EML1: variants seen among roughly 807,000 people sequenced by gnomAD.
EML1 encodes the protein EMAP like 1.
Under a neutral mutation model 110.4 loss-of-function variants are expected in EML1, and 27 were observed. The observed-to-expected ratio is 0.24, with a 90% CI of 0.18 to 0.34. The LOEUF is 0.34. Among genes scored for constraint, EML1 ranks in the 10% least tolerant of loss-of-function variants. The pLI, the probability that EML1 is intolerant of heterozygous loss-of-function variation, is 1.00. For missense variants in EML1, 741 were observed against 1,030.9 expected, an observed-to-expected ratio of 0.72 and a Z score of 3.85; for synonymous variants, 344 against 385.8, an observed-to-expected ratio of 0.89 and a Z score of 1.27.
intron 5 of EML1, chr14:99,892,273 C>A: frequency 1.2e-6 from 1 of 850,920 alleles, no homozygotes. Context: ...TTCATACAGG[C>A]AAACAGATGC....
chr14:99,831,208 T>C (rs917219123), intron 1 of EML1, among the ~76,000 whole-genome samples: 2 of 152,318 alleles, frequency 1.3e-5, no homozygotes, highest in Non-Finnish European at 2.9e-5. Context: ...CCAGTATATT[T>C]TGGTGTGGGA....
In EML1 at chr14:99,907,620, G is replaced by A. The variant is rs376005117; in HGVS notation, c.1009-18G>A. 331 of 1,609,736 alleles carry A rather than the reference G, an allele frequency of 2.1e-4. No individual in the cohort carries two copies. Among genetic ancestry groups the A allele is most frequent in the Non-Finnish European group, 2.7e-4 (312 of 1,177,332 alleles). ...TTATTCTCAGATATAGTCTTCCTGT[G>A]AATAACTTTCTTTTCAGAATGGAGG... On this transcript the variant is annotated intron_variant, in intron 9 of 21. Coordinates refer to ENST00000262233, the MANE Select transcript of EML1 (RefSeq NM_004434.3).
Position 99,889,011 on chromosome 14 carries a change from C to T in EML1, c.519-2188C>T, listed in dbSNP as rs1248621658. ...CATGGTGGATTGGGAGCCGGACAGG[C>T]GGCTGAGAGAGACCCACGGAGGCAG... On this transcript the variant is annotated intron_variant, in intron 4 of 21. Transcript: ENST00000262233. Among the ~76,000 whole-genome samples the T allele has an allele frequency of 4.6e-5, 7 of 152,146 alleles. 1 individual carries two copies. Among genetic ancestry groups the T allele is most frequent in the Admixed American group, 1.3e-4 (2 of 15,280 alleles).
intron 1 of EML1, among the ~76,000 whole-genome samples, chr14:99,832,271 T>C (rs1220413122): frequency 6.6e-6 from 1 of 152,202 alleles, no homozygotes; most frequent in Admixed American, 6.5e-5. Context: ...TCCATTTACT[T>C]GTTGATGGAC....
At chr14:99,813,783 C>A (rs2058120692) in intron 1 of EML1, among the ~76,000 whole-genome samples, 1 of 152,138 alleles carries the variant, frequency 6.6e-6, no homozygotes, top group South Asian at 2.1e-4. Flanking sequence ...CAATCCTAAT[C>A]AATAGCTAGT....
chr14:99,765,626 C>T (rs940066328), intron 1 of EML1, among the ~76,000 whole-genome samples: 2 of 151,864 alleles, frequency 1.3e-5, no homozygotes, highest in African/African-American at 2.4e-5. Context: ...TTTTTTGAGA[C>T]AGAGTCTGGC....
intron 2 of EML1, among the ~76,000 whole-genome samples, chr14:99,859,739 T>C (rs2058968991): frequency 1.3e-5 from 2 of 152,210 alleles, no homozygotes; most frequent in South Asian, 4.1e-4. Context: ...ACTCCAAATC[T>C]GTGTACAGGA....
At chr14:99,917,755 A>G (rs900215550) in intron 15 of EML1, 27 bp from the exon 16 acceptor site, 11 of 1,612,550 alleles carry the variant, frequency 6.8e-6, no homozygotes, top group African/African-American at 5.3e-5. Context: ...CTGTTCATCA[A>G]TTTACACTTC....
At chr14:99,844,121 T>C (rs1305596128) in intron 1 of EML1, among the ~76,000 whole-genome samples, 1 of 152,178 alleles carries the variant, frequency 6.6e-6, no homozygotes, top group East Asian at 1.9e-4. Context: ...TTCATTGAAA[T>C]ATTTCTCTGC....
chr14:99,927,820 T>A (rs1298060912), intron 17 of EML1, among the ~76,000 whole-genome samples: 2 of 19,346 alleles, frequency 1.0e-4, no homozygotes. Context: ...GGGGGGGTGG[T>A]GGTGGTGGTG....
Position 99,936,369 on chromosome 14 carries a change from T to G in EML1, c.2095+35T>G. ...ACCCCGGGGTTGTATGAAGTCTCGA[T>G]CTCAGAAAGCGTTCACTCTGAGATC... On this transcript the variant is annotated intron_variant, in intron 19 of 21. Coordinates refer to ENST00000262233, the MANE Select transcript of EML1 (RefSeq NM_004434.3). This position sits in a 1 kb window ranked among gnomAD's most constrained non-coding sequence, Gnocchi z 5.5. 1 of 1,595,358 alleles carries G rather than the reference T, an allele frequency of 6.3e-7. No homozygotes were observed. Among genetic ancestry groups the G allele is most frequent in the Non-Finnish European group, 8.6e-7 (1 of 1,165,282 alleles).
At chr14:99,898,433 T>C in intron 8 of EML1, 131 bp downstream of exon 8, 1 of 816,210 alleles carries the variant, frequency 1.2e-6, no homozygotes, top group East Asian at 2.9e-5. Context: ...AACCCCTCAC[T>C]AGAATTTTTT....
chr14:99,809,890 T>C (rs2058046150), intron 1 of EML1, among the ~76,000 whole-genome samples: 1 of 152,204 alleles, frequency 6.6e-6, no homozygotes, highest in Admixed American at 6.5e-5. Context: ...GTATGGTGTA[T>C]GCCCTGGACT....
chr14:99,908,592 A>G (rs1238928849), intron 10 of EML1, among the ~76,000 whole-genome samples: 2 of 152,182 alleles, frequency 1.3e-5, no homozygotes, highest in Non-Finnish European at 2.9e-5. Context: ...GAGGCAGGTT[A>G]TTATCCAGGC....
intron 17 of EML1, among the ~76,000 whole-genome samples, chr14:99,930,679 T>C (rs1272234855): frequency 6.6e-6 from 1 of 152,246 alleles, no homozygotes; most frequent in Non-Finnish European, 1.5e-5. Flanking sequence ...TTAACATGCA[T>C]GTCGAGAATC....
Position 99,865,514 on chromosome 14 carries a change from C to T in EML1, c.251C>T (p.Ala84Val), listed in dbSNP as rs1393358557. 1.9e-6 allele frequency: 3 copies of T among 1,613,730 alleles called. No homozygotes were observed. Among genetic ancestry groups the T allele is most frequent in the African/African-American group, 2.7e-5 (2 of 74,920 alleles). ...ATATTATTTTCTGCTTGTCTTACAG[C>T]AAGACCACTGATGCAGACCCTGCCT... ...AVLNRKGPTK[A>V]RPLMQTLPLR... is the part of the protein sequence containing the mutation. The change falls in exon 3 of 22, where the codon GCA becomes GTA. Residue 84 changes from alanine to valine, a missense_variant and splice_region_variant. Physicochemically the swap from Ala to Val is moderately conservative, Grantham distance 64. Around this residue, in one of 4 missense-constraint regions of EML1, gnomAD observed 226 missense variants for 255.6 expected, o/e 0.88. Coordinates refer to ENST00000262233, the MANE Select transcript of EML1 (RefSeq NM_004434.3).
At chr14:99,909,855 C>T (rs1327075384) in intron 11 of EML1, among the ~76,000 whole-genome samples, 3 of 152,124 alleles carry the variant, frequency 2.0e-5, no homozygotes, top group Middle Eastern at 3.2e-3. Context: ...CACCTTTTCC[C>T]GGGGGTCCAT....
At chr14:99,791,507 G>A (rs2057671349), upstream of EML1, among the ~76,000 whole-genome samples, 1 of 152,114 alleles carries the variant, frequency 6.6e-6, no homozygotes, top group African/African-American at 2.4e-5. Flanking sequence ...CAACCCCTTT[G>A]CTGACAACTC....
chr14:99,764,804 C>T (rs1313543338), intron 1 of EML1, among the ~76,000 whole-genome samples: 1 of 152,242 alleles, frequency 6.6e-6, no homozygotes, highest in African/African-American at 2.4e-5. Flanking sequence ...ATGGCCAGGA[C>T]TGGATCCAAG....
Sources: gnomAD v4.1 joint callset for allele counts (sites outside exome capture counted in the v4.1 genomes callset) on GRCh38, gnomAD v4.1.1 for gene constraint, gnomAD v4.1.1 regional missense constraint, Gnocchi (gnomAD v3.1) non-coding constraint, MANE v1.5 for transcripts, NCBI Gene and HGNC (gene_info 2026-07-23, HGNC 2026-07-21) for gene names.